Variants in KATNAL2 observed in about 807,000 individuals in gnomAD.
The protein encoded by KATNAL2 is katanin catalytic subunit A1 like 2, also known as katanin p60 ATPase-containing subunit A-like 2.
In KATNAL2, 52 loss-of-function variants were observed where a neutral mutation model predicts 76.3. That is an observed-to-expected ratio of 0.68 (90% CI 0.55 to 0.86). The LOEUF (loss-of-function observed/expected upper bound fraction) is 0.86. KATNAL2 is among the 40% of genes least tolerant of loss of function. The pLI, the probability that KATNAL2 is intolerant of heterozygous loss-of-function variation, is 0.00. For synonymous variants in KATNAL2, 243 were observed against 244.2 expected (o/e 1.00, Z 0.05); for missense variants, 660 against 668.9 (o/e 0.99, Z 0.15).
At chr18:47,066,230 T>C (rs2061788040) in intron 10 of KATNAL2, among the ~76,000 whole-genome samples, 1 of 152,132 alleles carries the variant, frequency 6.6e-6, no homozygotes, top group Non-Finnish European at 1.5e-5. Flanking sequence ...CAGGCTTTTT[T>C]GAGGAAACAC....
At chr18:47,054,794 G>GT (rs2061426623) in intron 6 of KATNAL2, among the ~76,000 whole-genome samples, 1 of 152,230 alleles carries the variant, frequency 6.6e-6, no homozygotes, top group South Asian at 2.1e-4. Context: ...CTGGCACACA[G>GT]TGAGCACCCA....
At chr18:46,921,145 T>G (rs905758852) in intron 1 of KATNAL2, among the ~76,000 whole-genome samples, 1 of 152,236 alleles carries the variant, frequency 6.6e-6, no homozygotes. Context: ...TTTTGCTTTT[T>G]GGGACGGAGT....
intron 3 of KATNAL2, among the ~76,000 whole-genome samples, chr18:46,953,415 G>A (rs954165534): frequency 3.9e-5 from 6 of 152,160 alleles, no homozygotes; most frequent in Admixed American, 3.3e-4. Context: ...CAAGGCAGGC[G>A]GAGCGCTTGA....
chr18:47,038,847 A>T (rs1228192322), intron 3 of KATNAL2, among the ~76,000 whole-genome samples: 4 of 152,216 alleles, frequency 2.6e-5, no homozygotes, highest in African/African-American at 9.6e-5. Flanking sequence ...AAAAACTGCA[A>T]AGAGAAATGT....
intron 3 of KATNAL2, chr18:47,034,789 C>T: frequency 1.2e-6 from 2 of 1,612,464 alleles, no homozygotes; most frequent in South Asian, 2.2e-5. Context: ...TGGGGCTATT[C>T]TGGGGCACTT....
At chr18:46,947,039 C>CA in intron 3 of KATNAL2, 116 bp downstream of exon 3, 1 of 780,394 alleles carries the variant, frequency 1.3e-6, no homozygotes, top group Non-Finnish European at 2.2e-6. Context: ...TAGAGAAGCG[C>CA]AAACGCAGTG....
Position 47,101,054 on chromosome 18 carries a change from T to C in KATNAL2, c.*49T>C, listed in dbSNP as rs1429403532. On this transcript the variant is annotated 3_prime_UTR_variant, in exon 18 of 18. Transcript: ENST00000683218. ...CACAAAGGCAACCACAAAGACCTCCTAGTTTATTAATGTCCGTGGGAGAAC... is the reference window on the plus strand; with the variant it reads ...CACAAAGGCAACCACAAAGACCTCCCAGTTTATTAATGTCCGTGGGAGAAC... 6.2e-7 allele frequency: 1 copy of C among 1,600,932 alleles called. No homozygotes were observed. The highest frequency in any genetic ancestry group is 8.5e-7 in the Non-Finnish European group (1 of 1,170,086).
intron 6 of KATNAL2, among the ~76,000 whole-genome samples, chr18:47,055,974 C>A (rs375457535): frequency 6.6e-6 from 1 of 152,122 alleles, no homozygotes. Flanking sequence ...GGTGTTTCTG[C>A]GGACAATTTA....
intron 1 of KATNAL2, among the ~76,000 whole-genome samples, chr18:46,937,828 G>C (rs2059137117): frequency 6.6e-6 from 1 of 152,154 alleles, no homozygotes; most frequent in South Asian, 2.1e-4. Context: ...TGTGGGCCAG[G>C]CTCGGTGACT....
At chr18:47,062,321 C>G (rs893453220) in intron 8 of KATNAL2, among the ~76,000 whole-genome samples, 11 of 151,522 alleles carry the variant, frequency 7.3e-5, no homozygotes, top group Non-Finnish European at 2.9e-5. Context: ...AAGTTTAAGG[C>G]TGCGGTGAGC....
rs557968305 is a variant in KATNAL2 at position 47,060,862 on chromosome 18, A to C, written c.549+1208A>C. Among the ~76,000 whole-genome samples the C allele has an allele frequency of 2.0e-5, 3 of 152,212 alleles. No individual in the cohort carries two copies. In the South Asian group the frequency reaches 6.2e-4, roughly 32 times the overall value. ...CCCTTGGAAAAATGTCTCCTTGTTCACCTTCACTGCTTCTATTGTGTTTTC... is the reference window on the plus strand; with the variant it reads ...CCCTTGGAAAAATGTCTCCTTGTTCCCCTTCACTGCTTCTATTGTGTTTTC... On this transcript the variant is annotated intron_variant, in intron 8 of 17. Coordinates refer to ENST00000683218, the MANE Select transcript of KATNAL2 (RefSeq NM_001387690.1).
chr18:47,063,129 G>A, intron 9 of KATNAL2, 59 bp downstream of exon 9: 1 of 1,522,678 alleles, frequency 6.6e-7, no homozygotes, highest in Non-Finnish European at 9.1e-7. Context: ...ATGAACTCTG[G>A]AAATATAATT....
chr18:47,078,552 G>C (rs1022054768), intron 15 of KATNAL2, among the ~76,000 whole-genome samples: 4 of 152,124 alleles, frequency 2.6e-5, no homozygotes, highest in Admixed American at 2.6e-4. Flanking sequence ...TTTAGGGAAG[G>C]AATCTTCTTT....
At chr18:46,933,352 T>G (rs1237595025) in intron 1 of KATNAL2, among the ~76,000 whole-genome samples, 1 of 152,212 alleles carries the variant, frequency 6.6e-6, no homozygotes, top group African/African-American at 2.4e-5. Flanking sequence ...TTTGCAAGAT[T>G]ATGGGGCAAG....
chr18:47,076,952 G>A (rs2062264137), intron 14 of KATNAL2, among the ~76,000 whole-genome samples: 3 of 151,976 alleles, frequency 2.0e-5, no homozygotes, highest in African/African-American at 4.8e-5. Context: ...TCAGGAGGCT[G>A]AGGGTGTGAA....
chr18:46,945,519 A>G (rs1236263615), intron 1 of KATNAL2, among the ~76,000 whole-genome samples: 1 of 152,192 alleles, frequency 6.6e-6, no homozygotes, highest in Non-Finnish European at 1.5e-5. Context: ...GGTTGCCTGT[A>G]TCCAGGTGGG....
At chr18:46,946,750 T>C (rs1599403211) in intron 2 of KATNAL2, 104 bp from the exon 3 acceptor site, 1 of 1,180,718 alleles carries the variant, frequency 8.5e-7, no homozygotes, top group Non-Finnish European at 1.2e-6. Context: ...TTGGCGGGCG[T>C]GTCTGGGCTC....
intron 9 of KATNAL2, 42 bp downstream of exon 9, chr18:47,063,112 C>T (rs777480952): frequency 1.9e-6 from 3 of 1,543,292 alleles, no homozygotes; most frequent in Non-Finnish European, 1.8e-6. Flanking sequence ...AAATTGCCAA[C>T]ATCCAGATGA....
At chr18:46,918,678 T>A (rs1424123852) in intron 1 of KATNAL2, among the ~76,000 whole-genome samples, 1 of 152,172 alleles carries the variant, frequency 6.6e-6, no homozygotes, top group Non-Finnish European at 1.5e-5. Context: ...CGCCTCGGCC[T>A]CCCAAAGTAC....
Sources: gnomAD v4.1 joint callset for allele counts (sites outside exome capture counted in the v4.1 genomes callset) on GRCh38, gnomAD v4.1.1 for gene constraint, MANE v1.5 for transcripts, NCBI Gene and HGNC (gene_info 2026-07-23, HGNC 2026-07-21) for gene names.